The following ABHD2 variants were observed in gnomAD, a reference collection of about 807,000 sequenced individuals.
ABHD2 encodes abhydrolase domain containing 2, acylglycerol lipase.
In ABHD2, 20 loss-of-function variants were observed where a neutral mutation model predicts 48.1. That is an observed-to-expected ratio of 0.42 (90% CI 0.29 to 0.60). The LOEUF is 0.60. Among genes scored for constraint, ABHD2 ranks in the 20% least tolerant of loss-of-function variants. The pLI is 0.24. For missense variants in ABHD2, 405 were observed against 550.9 expected (o/e 0.74, Z 2.65); for synonymous variants, 209 against 214.2 (o/e 0.98, Z 0.21).
Position 89,136,684 on chromosome 15 carries a change from C to A in ABHD2, c.195-14993C>A, listed in dbSNP as rs115469266. On this transcript the variant is annotated intron_variant, in intron 3 of 10. Transcript: ENST00000352732. ...GCCAGCGCAGCTCCTAGTTGATTAG[C>A]GTGTTCTTAAAAGAGCATTCTGTGT... 5.9e-3 allele frequency among the ~76,000 whole-genome samples: 898 copies of A among 152,312 alleles called. 12 individuals are homozygous for A. Among genetic ancestry groups the A allele is most frequent in the African/African-American group, 0.02 (847 of 41,576 alleles).
At position 89,151,219 on chromosome 15, in the gene ABHD2, T is replaced by G. The variant is rs1240711574; in HGVS notation, c.195-458T>G. 6.6e-6 allele frequency among the ~76,000 whole-genome samples: 1 copy of G among 152,202 alleles called. No homozygotes were observed. Among genetic ancestry groups the G allele is most frequent in the Non-Finnish European group, 1.5e-5 (1 of 68,028 alleles). On this transcript the variant is annotated intron_variant, in intron 3 of 10. Coordinates refer to ENST00000352732, the MANE Select transcript of ABHD2 (RefSeq NM_152924.5). This position sits in a 1 kb window ranked among gnomAD's most constrained non-coding sequence, Gnocchi z 4.7. ...AACTGAGAGTAGCAGGTTTGGCTAA[T>G]GGAGTAACCACTACAGCTGTGGCCT...
At chr15:89,150,180 C>T (rs2050568410) in intron 3 of ABHD2, among the ~76,000 whole-genome samples, 1 of 152,228 alleles carries the variant, frequency 6.6e-6, no homozygotes, top group Admixed American at 6.5e-5. Flanking sequence ...TTTTTAAGCT[C>T]AGCATATTTC....
At chr15:89,084,248 G>A (rs1901320838), upstream of ABHD2, among the ~76,000 whole-genome samples, 1 of 150,920 alleles carries the variant, frequency 6.6e-6, no homozygotes, top group Non-Finnish European at 1.5e-5. The surrounding 1 kb of genome is among the most constrained non-coding windows in gnomAD (Gnocchi z 4.4). Flanking sequence ...GTGTTGGAGA[G>A]TGTGTATATA....
chr15:89,083,949 A>T (rs1901316779), upstream of ABHD2, among the ~76,000 whole-genome samples: 1 of 152,190 alleles, frequency 6.6e-6, no homozygotes, highest in African/African-American at 2.4e-5. This position sits in a 1 kb window ranked among gnomAD's most constrained non-coding sequence, Gnocchi z 5.1. Flanking sequence ...GACTGCATGC[A>T]GACTGCACCG....
Position 89,201,748 on chromosome 15 carries a change from G to A in ABHD2, c.*6325G>A. The A allele has an allele frequency of 5.8e-6, 9 of 1,562,502 alleles. No individual in the cohort carries two copies. The highest frequency in any genetic ancestry group is 7.9e-6 in the Non-Finnish European group (9 of 1,133,564). On this transcript the variant is annotated 3_prime_UTR_variant, in exon 11 of 11. Coordinates refer to ENST00000352732, the MANE Select transcript of ABHD2 (RefSeq NM_152924.5). ...CCTTTGAATTTGAGGTCTATGGGCGGGTCGAGGACCAGGATCTGCTCGTGC... is the reference window on the plus strand; with the variant it reads ...CCTTTGAATTTGAGGTCTATGGGCGAGTCGAGGACCAGGATCTGCTCGTGC...
intron 3 of ABHD2, among the ~76,000 whole-genome samples, chr15:89,123,201 C>T (rs947405455): frequency 3.3e-5 from 5 of 152,190 alleles, no homozygotes; most frequent in Admixed American, 6.5e-5. Flanking sequence ...TGGACGTGTC[C>T]GCCTGGAAGC....
chr15:89,155,220 GA>G lies in ABHD2; in HGVS notation c.371-145del, dbSNP rs1440915334. ...GCACTGATATAGACAGCTCCAGCTA[GA>G]AGGGAAAAATTCTTCCCCAGAGAAC... is the stretch of plus-strand genomic sequence containing the variant. On this transcript the variant is annotated intron_variant, in intron 4 of 10. Transcript: ENST00000352732. The surrounding 1 kb of genome is among the most constrained non-coding windows in gnomAD (Gnocchi z 4.9). 2.4e-6 allele frequency: 2 copies of G among 849,768 alleles called. No individual in the cohort carries two copies. Among genetic ancestry groups the G allele is most frequent in the African/African-American group, 3.4e-5 (2 of 58,560 alleles). 52.6% of individuals were successfully genotyped at this position (849,768 alleles called of 1,614,324 possible). A position where few individuals can be genotyped will look rare whatever the true frequency, so the allele number is the denominator to read the frequency against.
intron 2 of ABHD2, among the ~76,000 whole-genome samples, chr15:89,115,969 C>T (rs1187592820): frequency 6.6e-6 from 1 of 152,248 alleles, no homozygotes; most frequent in Non-Finnish European, 1.5e-5. Context: ...TACCCCTAGT[C>T]CTGCAGCCAC....
chr15:89,065,408 A>G, the ABHD2 span, among the ~76,000 whole-genome samples: 1 of 152,154 alleles, frequency 6.6e-6, no homozygotes, highest in African/African-American at 2.4e-5. Context: ...GGGCATCCCC[A>G]GTCTCACCAC....
chr15:89,177,916 A>T lies in ABHD2; in HGVS notation c.722+1921A>T, dbSNP rs1012476414. On this transcript the variant is annotated intron_variant, in intron 6 of 10. Coordinates refer to ENST00000352732, the MANE Select transcript of ABHD2 (RefSeq NM_152924.5). The surrounding 1 kb of genome is among the most constrained non-coding windows in gnomAD (Gnocchi z 5.6). ...CAATCCCTTCATCTCATTTTGCTGC[A>T]GTAGCGCCATCTGCTGTCAGCAAGA... 6.6e-6 allele frequency among the ~76,000 whole-genome samples: 1 copy of T among 152,174 alleles called. No individual in the cohort carries two copies. The highest frequency in any genetic ancestry group is 6.5e-5 in the Admixed American group (1 of 15,280).
chr15:89,166,408 G>A lies in ABHD2; in HGVS notation c.539-9404G>A, dbSNP rs1003362743. On this transcript the variant is annotated intron_variant, in intron 5 of 10. Coordinates refer to ENST00000352732, the MANE Select transcript of ABHD2 (RefSeq NM_152924.5). This position sits in a 1 kb window ranked among gnomAD's most constrained non-coding sequence, Gnocchi z 4.6. ...TAGACATCAAGCTGTGAGGAAGTAC[G>A]TGAAATCACAGCATTGAATTCTCTT... 4.6e-5 allele frequency among the ~76,000 whole-genome samples: 7 copies of A among 152,194 alleles called. No homozygotes were observed. Among genetic ancestry groups the A allele is most frequent in the Non-Finnish European group, 8.8e-5 (6 of 68,036 alleles).
intron 3 of ABHD2, among the ~76,000 whole-genome samples, chr15:89,143,626 C>T (rs1181636019): frequency 1.3e-5 from 2 of 151,436 alleles, no homozygotes; most frequent in African/African-American, 2.4e-5. Context: ...GAAATTGCAC[C>T]GAGCTGAGAT....
intron 1 of ABHD2, among the ~76,000 whole-genome samples, chr15:89,103,405 C>A (rs569075657): frequency 1.3e-5 from 2 of 152,116 alleles, no homozygotes; most frequent in Admixed American, 1.3e-4. Flanking sequence ...CGTAAAGTAA[C>A]CTCCCTTCCC....
rs997530267 is a variant in ABHD2 at position 89,173,977 on chromosome 15, C to A, written c.539-1835C>A. Among the ~76,000 whole-genome samples, 8 of 152,098 alleles carry A rather than the reference C, an allele frequency of 5.3e-5. No individual in the cohort carries two copies. Among genetic ancestry groups the A allele is most frequent in the African/African-American group, 1.9e-4 (8 of 41,382 alleles). On this transcript the variant is annotated intron_variant, in intron 5 of 10. Transcript: ENST00000352732. The surrounding 1 kb of genome is among the most constrained non-coding windows in gnomAD (Gnocchi z 6.5). The stretch of plus-strand genomic sequence containing the variant: ...TTCTAAGCCCCCAGCATTTCCAGAT[C>A]ATGATTATTAGTCAAAAGTATAGGG...
chr15:89,041,746 C>G, the ABHD2 span, among the ~76,000 whole-genome samples: 17 of 152,234 alleles, frequency 1.1e-4, no homozygotes, highest in African/African-American at 3.9e-4. Context: ...TCGGTCTGCC[C>G]TGCTGACCAG....
Position 89,097,097 on chromosome 15 carries a change from C to T in ABHD2, c.-107+8534C>T, listed in dbSNP as rs1378615474. On this transcript the variant is annotated intron_variant, in intron 1 of 10. Coordinates refer to ENST00000352732, the MANE Select transcript of ABHD2 (RefSeq NM_152924.5). This position sits in a 1 kb window ranked among gnomAD's most constrained non-coding sequence, Gnocchi z 4.2. ...TTTGTCATATTGCTAAATAATCACT[C>T]ATTCATTTATTAGCTTTTTATTCTG... 6.6e-6 allele frequency among the ~76,000 whole-genome samples: 1 copy of T among 152,100 alleles called. No individual in the cohort carries two copies. Among genetic ancestry groups the T allele is most frequent in the African/African-American group, 2.4e-5 (1 of 41,396 alleles).
chr15:89,090,591 A>AT (rs984831979), intron 1 of ABHD2, among the ~76,000 whole-genome samples: 1 of 148,652 alleles, frequency 6.7e-6, no homozygotes, highest in Non-Finnish European at 1.5e-5. Context: ...TATTTTTGTG[A>AT]TTCAGGTAAT....
the ABHD2 span, among the ~76,000 whole-genome samples, chr15:89,047,256 G>A: frequency 6.6e-6 from 1 of 151,638 alleles, no homozygotes; most frequent in African/African-American, 2.4e-5. Context: ...ACTGTGGTCT[G>A]AGAGATAGTT....
At chr15:89,162,156 C>T (rs2050772295) in intron 5 of ABHD2, among the ~76,000 whole-genome samples, 1 of 152,158 alleles carries the variant, frequency 6.6e-6, no homozygotes, top group South Asian at 2.1e-4. Context: ...ACGAGTTCAG[C>T]ATATGAATCT....
Sources: allele counts gnomAD v4.1 joint callset (sites outside exome capture counted in the v4.1 genomes callset), GRCh38; gene constraint gnomAD v4.1.1; non-coding constraint Gnocchi (gnomAD v3.1); transcripts MANE v1.5; gene names NCBI Gene and HGNC (gene_info 2026-07-23, HGNC 2026-07-21).